The following CENPK variants were observed in gnomAD, a reference collection of about 807,000 sequenced individuals.
CENPK encodes the protein centromere protein K.
A neutral mutation model predicts 40.9 loss-of-function variants in CENPK; 46 were observed. The observed-to-expected ratio is 1.13, with a 90% CI of 0.89 to 1.44. The LOEUF (loss-of-function observed/expected upper bound fraction) is 1.44, where lower values mean the gene tolerates loss of function less well. Among genes scored for constraint, CENPK ranks in the 40% most tolerant of loss-of-function variants. The pLI, the probability that CENPK is intolerant of heterozygous loss-of-function variation, is 0.00. For missense variants in CENPK, 288 were observed against 303.5 expected, an observed-to-expected ratio of 0.95 and a Z score of 0.38; for synonymous variants, 107 against 104.4, an observed-to-expected ratio of 1.02 and a Z score of -0.15.
the CENPK span, among the ~76,000 whole-genome samples, chr5:65,509,506 C>T: frequency 1.3e-5 from 2 of 152,138 alleles, no homozygotes; most frequent in Non-Finnish European, 2.9e-5. Flanking sequence ...TTCCATTGTA[C>T]GAATGTACCT....
chr5:65,499,331 T>G, the CENPK span, among the ~76,000 whole-genome samples: 8 of 151,240 alleles, frequency 5.3e-5, no homozygotes, highest in African/African-American at 1.9e-4. Context: ...GTTGAGCAAT[T>G]GAAAAACATT....
chr5:65,502,980 G>T, the CENPK span, among the ~76,000 whole-genome samples: 1 of 151,766 alleles, frequency 6.6e-6, no homozygotes, highest in South Asian at 2.1e-4. Flanking sequence ...TGTATTTTTA[G>T]TAGAGACAGG....
downstream of CENPK, among the ~76,000 whole-genome samples, chr5:65,516,191 A>G (rs1742842844): frequency 6.6e-6 from 1 of 152,208 alleles, no homozygotes; most frequent in Admixed American, 6.5e-5. Context: ...CAAATGATGT[A>G]TCTTTCTCCA....
chr5:65,519,869 G>C (rs959292138), intron 10 of CENPK, among the ~76,000 whole-genome samples: 1 of 152,020 alleles, frequency 6.6e-6, no homozygotes, highest in Non-Finnish European at 1.5e-5. Flanking sequence ...GCTTATTTTA[G>C]TACAAATCTT....
chr5:65,506,956 A>G, the CENPK span, among the ~76,000 whole-genome samples: 4 of 152,326 alleles, frequency 2.6e-5, no homozygotes, highest in African/African-American at 9.6e-5. Context: ...TTTCAGTTTC[A>G]AGCAACATAA....
At chr5:65,506,419 C>G in the CENPK span, among the ~76,000 whole-genome samples, 2 of 151,506 alleles carry the variant, frequency 1.3e-5, no homozygotes, top group African/African-American at 4.8e-5. Flanking sequence ...GAGGCTGAGG[C>G]TGGTGGATTG....
At chr5:65,499,109 C>A in the CENPK span, among the ~76,000 whole-genome samples, 3 of 151,338 alleles carry the variant, frequency 2.0e-5, no homozygotes, top group African/African-American at 7.3e-5. Flanking sequence ...GTCCACCTGG[C>A]CTCAGCTTGG....
intron 5 of CENPK, among the ~76,000 whole-genome samples, chr5:65,548,833 T>C (rs1429658793): frequency 6.6e-6 from 1 of 152,190 alleles, no homozygotes; most frequent in African/African-American, 2.4e-5. Context: ...TAGATACTTC[T>C]ACCACATTTG....
At chr5:65,512,799 G>A (rs1289917404), downstream of CENPK, among the ~76,000 whole-genome samples, 1 of 152,102 alleles carries the variant, frequency 6.6e-6, no homozygotes, top group African/African-American at 2.4e-5. Flanking sequence ...CCGTCAAACC[G>A]TAACACTAAG....
chr5:65,554,408 C>G (rs1750643104), intron 3 of CENPK, among the ~76,000 whole-genome samples: 1 of 152,158 alleles, frequency 6.6e-6, no homozygotes, highest in Non-Finnish European at 1.5e-5. Flanking sequence ...CCTCGGCCTC[C>G]CAAAATGCTG....
chr5:65,501,623 C>A, the CENPK span, among the ~76,000 whole-genome samples: 23 of 152,284 alleles, frequency 1.5e-4, no homozygotes, highest in African/African-American at 5.5e-4. Flanking sequence ...TAGCAGGCCA[C>A]CTTTGACACA....
Position 65,521,521 on chromosome 5 carries a change from A to C in CENPK, c.605T>G (p.Ile202Ser), listed in dbSNP as rs1561615890. ...DRSVKKKKKNIQESSVNLITL... is the reference protein window; with the variant it reads ...DRSVKKKKKNSQESSVNLITL... ...TATCAGGTTTACAGATGATTCTTGA[A>C]TGTTTTTCTTCAAGAGAAATGTGAA... Residue 202 changes from isoleucine to serine, a missense_variant, in exon 10 of 11, where the codon ATT becomes AGT. Ile to Ser is a moderately radical substitution (Grantham distance 142, BLOSUM62 -2). Coordinates refer to ENST00000396679, the MANE Select transcript of CENPK (RefSeq NM_022145.5). 1.9e-6 allele frequency: 3 copies of C among 1,603,662 alleles called. No homozygotes were observed. The highest frequency in any genetic ancestry group is 1.7e-4 in the Middle Eastern group (1 of 6,044).
the CENPK span, among the ~76,000 whole-genome samples, chr5:65,512,572 GGTTT>G: frequency 1.3e-5 from 2 of 152,134 alleles, no homozygotes; most frequent in Non-Finnish European, 2.9e-5. Flanking sequence ...TTAGCAATAA[GGTTT>G]GTTTTAAATA....
At chr5:65,559,776 A>T (rs1415955039) in intron 2 of CENPK, among the ~76,000 whole-genome samples, 1 of 152,206 alleles carries the variant, frequency 6.6e-6, no homozygotes, top group Non-Finnish European at 1.5e-5. Flanking sequence ...GAGCAATGGA[A>T]CACAATACAA....
At chr5:65,515,826 G>A (rs1200047227), downstream of CENPK, among the ~76,000 whole-genome samples, 2 of 152,130 alleles carry the variant, frequency 1.3e-5, no homozygotes, top group African/African-American at 4.8e-5. Context: ...AGTTTCATAT[G>A]TTAGTCTATC....
At chr5:65,548,767 TATC>T (rs1251070880) in intron 5 of CENPK, among the ~76,000 whole-genome samples, 2 of 152,238 alleles carry the variant, frequency 1.3e-5, no homozygotes, top group Non-Finnish European at 2.9e-5. Flanking sequence ...GTTCAAGTTT[TATC>T]ATGAGATTGC....
In CENPK at chr5:65,554,859, C is replaced by T. The variant is rs766178671; in HGVS notation, c.49G>A (p.Val17Ile). The T allele has an allele frequency of 6.2e-7, 1 of 1,605,688 alleles. No homozygotes were observed. Among genetic ancestry groups the T allele is most frequent in the Admixed American group, 1.7e-5 (1 of 59,948 alleles). ...DPDSTTDVGD[V>I]TNTEEELIRE... ...ATAAGTTCTTCTTCAGTATTTGTAA[C>T]ATCTCCCACATCTGTAGTACTATCC... The change falls in exon 3 of 11, where the codon GTT (valine) becomes ATT (isoleucine). Residue 17 changes from valine to isoleucine, a missense_variant. By Grantham distance (29) the Val-to-Ile change is conservative (BLOSUM62 3). Transcript: ENST00000396679.
At chr5:65,554,483 T>A (rs925601166) in intron 3 of CENPK, among the ~76,000 whole-genome samples, 1 of 152,162 alleles carries the variant, frequency 6.6e-6, no homozygotes, top group African/African-American at 2.4e-5. Flanking sequence ...TTCACCGGGT[T>A]TAGCACTCCT....
chr5:65,519,872 C>T (rs1168450985), intron 10 of CENPK, among the ~76,000 whole-genome samples: 1 of 152,066 alleles, frequency 6.6e-6, no homozygotes, highest in African/African-American at 2.4e-5. Context: ...TATTTTAGTA[C>T]AAATCTTTCC....
Sources: gnomAD v4.1 joint callset for allele counts (sites outside exome capture counted in the v4.1 genomes callset) on GRCh38, gnomAD v4.1.1 for gene constraint, MANE v1.5 for transcripts, NCBI Gene and HGNC (gene_info 2026-07-23, HGNC 2026-07-21) for gene names.